The following CFAP54 variants were observed in gnomAD, a reference collection of about 807,000 sequenced individuals.
The protein encoded by CFAP54 is cilia and flagella associated protein 54.
In CFAP54, 290 loss-of-function variants were observed where a neutral mutation model predicts 370.4. The observed-to-expected ratio is 0.78, with a 90% CI of 0.71 to 0.86. The LOEUF (loss-of-function observed/expected upper bound fraction) is 0.86, where lower values mean the gene tolerates loss of function less well. Among genes scored for constraint, CFAP54 ranks in the 40% least tolerant of loss-of-function variants. CFAP54 has a pLI of 0.00. For synonymous variants in CFAP54, 1,206 were observed against 1,236.5 expected, an observed-to-expected ratio of 0.98 and a Z score of 0.52; for missense variants, 3,399 against 3,528.7, an observed-to-expected ratio of 0.96 and a Z score of 0.93.
chr12:96,780,488 G>A (rs1958570547), intron 60 of CFAP54, among the ~76,000 whole-genome samples: 1 of 152,136 alleles, frequency 6.6e-6, no homozygotes, highest in South Asian at 2.1e-4. Context: ...ACTATGTGGG[G>A]TGAGAGAGAG....
chr12:96,529,364 T>A (rs559053559), intron 9 of CFAP54, among the ~76,000 whole-genome samples: 1 of 152,236 alleles, frequency 6.6e-6, no homozygotes, highest in Non-Finnish European at 1.5e-5. Context: ...ATGTTAAACA[T>A]CTGCTATGCA....
chr12:96,550,403 C>T (rs1955682009), intron 15 of CFAP54, among the ~76,000 whole-genome samples: 1 of 152,078 alleles, frequency 6.6e-6, no homozygotes, highest in South Asian at 2.1e-4. Context: ...ATGGCAAAAC[C>T]CTGTCTTTAC....
Position 96,771,350 on chromosome 12 carries a change from C to A in CFAP54, c.8281+6132C>A, listed in dbSNP as rs147514103. Among the ~76,000 whole-genome samples the A allele has an allele frequency of 9.9e-5, 15 of 152,278 alleles. 1 individual carries two copies. The highest frequency in any genetic ancestry group is 3.6e-4 in the African/African-American group (15 of 41,554). On this transcript the variant is annotated intron_variant, in intron 60 of 67. Coordinates refer to ENST00000524981, the MANE Select transcript of CFAP54 (RefSeq NM_001306084.2). ...AGATTCAGGGAAACAGCACAAATGC[C>A]CACATTAAAACCCACTTTAGTCCCG... is the stretch of plus-strand genomic sequence containing the variant.
At position 96,770,188 on chromosome 12, in the gene CFAP54, A is replaced by ATGTGTGTG. The variant is rs57662567; in HGVS notation, c.8281+4985_8281+4992dup. Among the ~76,000 whole-genome samples, 632 of 151,050 alleles carry ATGTGTGTG rather than the reference A, an allele frequency of 4.2e-3. 3 individuals are homozygous for ATGTGTGTG. Among genetic ancestry groups the ATGTGTGTG allele is most frequent in the African/African-American group, 0.014 (562 of 41,180 alleles). ...AATCATCTGTGGTAGTGAAGGTGGG[A>ATGTGTGTG]TGTGTGTGTGTGTGTGTGTGTGAAT... is the stretch of plus-strand genomic sequence containing the variant. On this transcript the variant is annotated intron_variant, in intron 60 of 67. Coordinates refer to ENST00000524981, the MANE Select transcript of CFAP54 (RefSeq NM_001306084.2).
At chr12:96,781,652 A>G (rs1958582012) in intron 60 of CFAP54, among the ~76,000 whole-genome samples, 1 of 152,174 alleles carries the variant, frequency 6.6e-6, no homozygotes, top group Admixed American at 6.5e-5. Flanking sequence ...AGGCATCAAG[A>G]GATATGACCT....
chr12:96,767,181 T>C (rs1024319314), intron 60 of CFAP54, among the ~76,000 whole-genome samples: 2 of 152,232 alleles, frequency 1.3e-5, no homozygotes, highest in Admixed American at 1.3e-4. Flanking sequence ...GAGGCATGGA[T>C]GTTTGCTAAA....
At chr12:96,621,746 T>A in intron 27 of CFAP54, 25 bp downstream of exon 27, 1 of 1,510,182 alleles carries the variant, frequency 6.6e-7, no homozygotes, top group Non-Finnish European at 8.8e-7. Context: ...TTCTCATTTT[T>A]AAACCTACGT....
intron 32 of CFAP54, among the ~76,000 whole-genome samples, chr12:96,637,815 C>T (rs1452023481): frequency 1.3e-5 from 2 of 152,198 alleles, no homozygotes; most frequent in African/African-American, 4.8e-5. Flanking sequence ...TGATGGACTG[C>T]ATGTACAACG....
intron 26 of CFAP54, among the ~76,000 whole-genome samples, chr12:96,608,812 A>T (rs1956327145): frequency 6.6e-6 from 1 of 152,190 alleles, no homozygotes; most frequent in Admixed American, 6.5e-5. Context: ...ACAGAGAGGA[A>T]TAAGAGAGAG....
At chr12:96,801,325 A>G (rs1958817488) in intron 63 of CFAP54, among the ~76,000 whole-genome samples, 1 of 152,218 alleles carries the variant, frequency 6.6e-6, no homozygotes, top group Non-Finnish European at 1.5e-5. Flanking sequence ...TGACAAAATT[A>G]TCTTTAATAG....
chr12:96,617,849 G>C (rs1956438402), intron 26 of CFAP54, among the ~76,000 whole-genome samples: 1 of 151,978 alleles, frequency 6.6e-6, no homozygotes, highest in Admixed American at 6.6e-5. Flanking sequence ...AATTAGCCAG[G>C]CAAGGTGGCG....
intron 24 of CFAP54, among the ~76,000 whole-genome samples, chr12:96,593,164 C>T (rs973669348): frequency 5.9e-5 from 9 of 152,112 alleles, no homozygotes; most frequent in African/African-American, 2.2e-4. Flanking sequence ...AGGAATGTAA[C>T]CTATCTCCTA....
chr12:96,745,936 A>G (rs143928722), intron 55 of CFAP54, among the ~76,000 whole-genome samples: 222 of 152,318 alleles, frequency 1.5e-3, no homozygotes, highest in African/African-American at 5.1e-3. Flanking sequence ...TTTCAATCCC[A>G]GGTGGATGGT....
chr12:96,869,917 A>G (rs1960109332), intron 67 of CFAP54, among the ~76,000 whole-genome samples: 1 of 147,100 alleles, frequency 6.8e-6, no homozygotes, highest in Non-Finnish European at 1.5e-5. Context: ...CCTGGGCAAC[A>G]AGAGCAAAAC....
intron 32 of CFAP54, among the ~76,000 whole-genome samples, chr12:96,642,266 A>T (rs544568688): frequency 2.0e-5 from 3 of 152,068 alleles, no homozygotes; most frequent in African/African-American, 7.2e-5. Context: ...CAAGATGTTC[A>T]TCTTGTACAC....
intron 39 of CFAP54, among the ~76,000 whole-genome samples, chr12:96,669,092 G>A (rs1957114192): frequency 1.3e-5 from 2 of 152,178 alleles, no homozygotes; most frequent in Admixed American, 1.3e-4. Flanking sequence ...TATTACTACT[G>A]CTGCTGCCAT....
chr12:96,778,576 C>A (rs1210701489), intron 60 of CFAP54, among the ~76,000 whole-genome samples: 1 of 152,116 alleles, frequency 6.6e-6, no homozygotes, highest in Non-Finnish European at 1.5e-5. Context: ...TACTTGATGA[C>A]AATTGCTTTG....
At chr12:96,640,701 C>G (rs1371690966) in intron 32 of CFAP54, among the ~76,000 whole-genome samples, 4 of 152,208 alleles carry the variant, frequency 2.6e-5, no homozygotes, top group Non-Finnish European at 5.9e-5. Flanking sequence ...GTAACCAAAA[C>G]AGCATGGTAC....
At chr12:96,809,848 T>C (rs1958914173) in intron 63 of CFAP54, among the ~76,000 whole-genome samples, 1 of 152,210 alleles carries the variant, frequency 6.6e-6, no homozygotes, top group African/African-American at 2.4e-5. Flanking sequence ...ACAATTCTGT[T>C]AGACTCCTGC....
Sources: allele counts gnomAD v4.1 joint callset (sites outside exome capture counted in the v4.1 genomes callset), GRCh38; gene constraint gnomAD v4.1.1; transcripts MANE v1.5; gene names NCBI Gene and HGNC (gene_info 2026-07-23, HGNC 2026-07-21).